Variants in CEP83 observed in about 807,000 individuals in gnomAD.
The protein encoded by CEP83 is centrosomal protein 83, also known as centrosomal protein of 83 kDa.
A neutral mutation model predicts 101.9 loss-of-function variants in CEP83; 70 were observed. The observed-to-expected ratio is 0.69, with a 90% CI of 0.57 to 0.84. The LOEUF (loss-of-function observed/expected upper bound fraction) is 0.84, where lower values mean the gene tolerates loss of function less well. Among genes scored for constraint, CEP83 ranks in the 40% least tolerant of loss-of-function variants. CEP83 has a pLI of 0.00. For missense variants in CEP83, 715 were observed against 787.2 expected (o/e 0.91, Z 1.10); for synonymous variants, 264 against 267.9 (o/e 0.99, Z 0.14).
At chr12:94,443,164 CCCACAGGACCCCTTTG>C (rs2066538184) in intron 1 of CEP83, among the ~76,000 whole-genome samples, 1 of 152,148 alleles carries the variant, frequency 6.6e-6, no homozygotes, top group Non-Finnish European at 1.5e-5. Context: ...ATTTTGCTGC[CCCACAGGACCCCTTTG>C]CTAGAGTCAA....
chr12:94,396,233 G>C (rs2137487780), intron 6 of CEP83, among the ~76,000 whole-genome samples: 1 of 149,050 alleles, frequency 6.7e-6, no homozygotes, highest in Non-Finnish European at 1.5e-5. Context: ...TCACCTGTAT[G>C]AAGTCCCAGA....
At chr12:94,426,347 G>A (rs566457369) in intron 2 of CEP83, among the ~76,000 whole-genome samples, 1 of 152,050 alleles carries the variant, frequency 6.6e-6, no homozygotes, top group Non-Finnish European at 1.5e-5. Context: ...ATGAAGTAAA[G>A]ACCCTCCCAA....
chr12:94,303,715 T>A, downstream of CEP83: 13 of 1,085,156 alleles, frequency 1.2e-5, no homozygotes, highest in Non-Finnish European at 1.6e-5. Context: ...TTTTTTTTAC[T>A]CTTTTGGTGA....
chr12:94,267,035 C>G, the CEP83 span, among the ~76,000 whole-genome samples: 1 of 152,232 alleles, frequency 6.6e-6, no homozygotes, highest in Admixed American at 6.5e-5. Flanking sequence ...GAACAAGAGA[C>G]AAACTTTGCA....
At chr12:94,372,977 T>A (rs935787339) in intron 8 of CEP83, among the ~76,000 whole-genome samples, 1 of 152,208 alleles carries the variant, frequency 6.6e-6, no homozygotes, top group South Asian at 2.1e-4. Flanking sequence ...TATGAAAATG[T>A]ATTACCCAGT....
chr12:94,343,077 GTGTA>G (rs1410844545), intron 11 of CEP83, among the ~76,000 whole-genome samples: 3 of 151,740 alleles, frequency 2.0e-5, no homozygotes, highest in Non-Finnish European at 4.4e-5. Flanking sequence ...ACACATATGT[GTGTA>G]TGTATGTCTG....
At chr12:94,295,408 CTT>C in the CEP83 span, among the ~76,000 whole-genome samples, 9 of 152,172 alleles carry the variant, frequency 5.9e-5, no homozygotes, top group African/African-American at 1.7e-4. Context: ...GGGATGGTGT[CTT>C]TGTGTTGAAA....
Position 94,333,531 on chromosome 12 carries a change from A to T in CEP83, c.1528T>A (p.Cys510Ser). Residue 510 changes from cysteine to serine, a missense_variant, in exon 13 of 17, where the codon TGC becomes AGC. Coordinates refer to ENST00000397809, the MANE Select transcript of CEP83 (RefSeq NM_016122.3). ...TCAGCTTGGCTTCTAAAATTTCGGC[A>T]TTCTTGTTTTAATCTCTCCACCATT... is the stretch of plus-strand genomic sequence containing the variant. ...KEMVERLKQE[C>S]RNFRSQAEKA... The T allele has an allele frequency of 6.2e-7, 1 of 1,613,644 alleles. No individual in the cohort carries two copies. The highest frequency in any genetic ancestry group is 8.5e-7 in the Non-Finnish European group (1 of 1,179,772).
In CEP83 at chr12:94,310,073, G is replaced by T; in HGVS notation, c.1846C>A (p.Gln616Lys). The change falls in exon 16 of 17, where the codon CAA becomes AAA. Residue 616 changes from glutamine (Q) to lysine (K), a missense_variant. Coordinates refer to ENST00000397809, the MANE Select transcript of CEP83 (RefSeq NM_016122.3). ...CTCTGTATATCTTTTAGTCTTTTTT[G>T]AAGCCTTGTATAGTCTTCAAAAGGA... is the stretch of plus-strand genomic sequence containing the variant. ...NVPFEDYTRL[Q>K]KRLKDIQRRH... 1 of 1,601,170 alleles carries T rather than the reference G, an allele frequency of 6.2e-7. No individual in the cohort carries two copies. The highest frequency in any genetic ancestry group is 1.1e-5 in the South Asian group (1 of 90,526).
At chr12:94,351,169 G>C (rs2060180205) in intron 11 of CEP83, among the ~76,000 whole-genome samples, 1 of 152,160 alleles carries the variant, frequency 6.6e-6, no homozygotes, top group Non-Finnish European at 1.5e-5. Flanking sequence ...AGAACCAAGA[G>C]AGACTCCCCA....
At chr12:94,312,335 G>A (rs529446632) in intron 15 of CEP83, among the ~76,000 whole-genome samples, 5 of 152,258 alleles carry the variant, frequency 3.3e-5, no homozygotes, top group South Asian at 4.1e-4. Context: ...TTCCATTACA[G>A]AAAAATCTAT....
intron 5 of CEP83, among the ~76,000 whole-genome samples, chr12:94,401,712 T>C (rs1238908496): frequency 6.6e-6 from 1 of 152,224 alleles, no homozygotes; most frequent in Non-Finnish European, 1.5e-5. Flanking sequence ...AGCCAGTTTG[T>C]AAACCAAGAA....
intron 1 of CEP83, among the ~76,000 whole-genome samples, chr12:94,436,520 C>T (rs763828270): frequency 6.6e-6 from 1 of 151,970 alleles, no homozygotes; most frequent in Non-Finnish European, 1.5e-5. Context: ...CGAATTAACC[C>T]AATCTGACAA....
chr12:94,392,026 C>A (rs2062576519), intron 6 of CEP83, among the ~76,000 whole-genome samples: 1 of 152,070 alleles, frequency 6.6e-6, no homozygotes, highest in African/African-American at 2.4e-5. Context: ...CTTAGACTCC[C>A]ACACAATAAT....
At chr12:94,439,411 C>A (rs143888045) in intron 1 of CEP83, among the ~76,000 whole-genome samples, 2 of 152,062 alleles carry the variant, frequency 1.3e-5, no homozygotes, top group Admixed American at 1.3e-4. Context: ...TCTTTATGCA[C>A]ACAAACTAGA....
At chr12:94,270,541 T>C in the CEP83 span, among the ~76,000 whole-genome samples, 1 of 152,112 alleles carries the variant, frequency 6.6e-6, no homozygotes, top group Non-Finnish European at 1.5e-5. Context: ...CTTGCCACTA[T>C]TTACAAGTCT....
chr12:94,386,906 C>T (rs1380346634), intron 6 of CEP83, among the ~76,000 whole-genome samples: 1 of 152,126 alleles, frequency 6.6e-6, no homozygotes, highest in Admixed American at 6.5e-5. Context: ...GGTACAAAAA[C>T]AGACACACAG....
intron 8 of CEP83, among the ~76,000 whole-genome samples, chr12:94,375,177 A>C (rs2061471895): frequency 6.6e-6 from 1 of 152,240 alleles, no homozygotes; most frequent in Non-Finnish European, 1.5e-5. Flanking sequence ...ATAAAAACCA[A>C]ATAACTATAT....
the CEP83 span, among the ~76,000 whole-genome samples, chr12:94,284,106 AAAGC>A: frequency 6.6e-6 from 1 of 151,762 alleles, no homozygotes; most frequent in Non-Finnish European, 1.5e-5. Flanking sequence ...AAAAAAAAAA[AAAGC>A]AGGGTTTGCA....
Sources: allele counts gnomAD v4.1 joint callset (sites outside exome capture counted in the v4.1 genomes callset), GRCh38; gene constraint gnomAD v4.1.1; transcripts MANE v1.5; gene names NCBI Gene and HGNC (gene_info 2026-07-23, HGNC 2026-07-21).